Variants in TMEM108 observed in about 807,000 individuals in gnomAD.
TMEM108 encodes transmembrane protein 108.
In TMEM108, 12 loss-of-function variants were observed where a neutral mutation model predicts 35.1. The observed-to-expected ratio is 0.34, with a 90% CI of 0.22 to 0.55. The LOEUF (loss-of-function observed/expected upper bound fraction) is 0.55. Among genes scored for constraint, TMEM108 ranks in the 20% least tolerant of loss-of-function variants. TMEM108 has a pLI of 0.89. For synonymous variants in TMEM108, 287 were observed against 308.6 expected, an observed-to-expected ratio of 0.93 and a Z score of 0.73; for missense variants, 680 against 753.3, an observed-to-expected ratio of 0.90 and a Z score of 1.14.
intron 2 of TMEM108, among the ~76,000 whole-genome samples, chr3:133,195,673 G>A (rs985382985): frequency 2.0e-5 from 3 of 152,304 alleles, no homozygotes; most frequent in South Asian, 2.1e-4. Context: ...GTGTGAATGA[G>A]TGAATGAATG....
At chr3:133,259,622 T>C (rs1946596892) in intron 3 of TMEM108, among the ~76,000 whole-genome samples, 1 of 152,214 alleles carries the variant, frequency 6.6e-6, no homozygotes, top group Non-Finnish European at 1.5e-5. Flanking sequence ...CTTTCAGCTA[T>C]TTGATATTGG....
chr3:133,208,264 G>A (rs1461647351), intron 2 of TMEM108, among the ~76,000 whole-genome samples: 1 of 152,058 alleles, frequency 6.6e-6, no homozygotes, highest in African/African-American at 2.4e-5. Context: ...GTGGTCTGAG[G>A]ACCAAACTTT....
At chr3:133,332,986 G>C (rs2071416061) in intron 3 of TMEM108, among the ~76,000 whole-genome samples, 1 of 152,170 alleles carries the variant, frequency 6.6e-6, no homozygotes, top group Non-Finnish European at 1.5e-5. Flanking sequence ...TCTGCGGCCA[G>C]AGTGGAATGG....
At chr3:133,049,985 T>C (rs1048910580) in intron 2 of TMEM108, among the ~76,000 whole-genome samples, 4 of 152,194 alleles carry the variant, frequency 2.6e-5, no homozygotes, top group Non-Finnish European at 5.9e-5. Context: ...GATTTAGTAA[T>C]TAAGCCCTTT....
chr3:133,142,941 A>G (rs375467997), intron 2 of TMEM108, among the ~76,000 whole-genome samples: 9 of 152,338 alleles, frequency 5.9e-5, no homozygotes, highest in East Asian at 1.9e-4. Flanking sequence ...GAATATGCCC[A>G]AGATTATGCA....
intron 2 of TMEM108, among the ~76,000 whole-genome samples, chr3:133,153,787 C>G (rs1029620174): frequency 2.0e-5 from 3 of 151,956 alleles, no homozygotes; most frequent in African/African-American, 7.3e-5. Flanking sequence ...AAAGGCAAAC[C>G]GAAGTCTGCA....
At chr3:133,102,315 G>T (rs1326236093) in intron 2 of TMEM108, among the ~76,000 whole-genome samples, 4 of 152,176 alleles carry the variant, frequency 2.6e-5, no homozygotes, top group Non-Finnish European at 5.9e-5. Flanking sequence ...AGAAGTTTCT[G>T]TTGTGTTTAC....
chr3:133,258,452 C>T (rs368123685), intron 3 of TMEM108, among the ~76,000 whole-genome samples: 59 of 152,356 alleles, frequency 3.9e-4, no homozygotes, highest in African/African-American at 1.3e-3. Flanking sequence ...CAGCTGCCCA[C>T]ACCACCTCGC....
At chr3:133,360,771 A>G (rs2072324267) in intron 3 of TMEM108, among the ~76,000 whole-genome samples, 1 of 152,178 alleles carries the variant, frequency 6.6e-6, no homozygotes, top group South Asian at 2.1e-4. Context: ...GTGAAAATGT[A>G]AGCAGCACAT....
intron 1 of TMEM108, among the ~76,000 whole-genome samples, chr3:133,044,493 A>G (rs1187498004): frequency 6.6e-6 from 1 of 152,234 alleles, no homozygotes; most frequent in South Asian, 2.1e-4. Context: ...ATGGTTTTCA[A>G]AAATGTTCTC....
rs562796813 is a variant in TMEM108, at chr3:133,270,421, T to C, written c.40+41070T>C. 2.4e-4 allele frequency among the ~76,000 whole-genome samples: 36 copies of C among 152,342 alleles called. No individual in the cohort carries two copies. The South Asian group carries it at 7.2e-3, about 31-fold the overall frequency. On this transcript the variant is annotated intron_variant, in intron 3 of 5. Coordinates refer to ENST00000321871, the MANE Select transcript of TMEM108 (RefSeq NM_023943.4). ...CTTGAAACCTGTTTAGTATCTTTAT[T>C]TGGAGATAAACCAATTAAAACCCTG...
rs1192054553 is a variant in TMEM108 at position 133,045,892 on chromosome 3, T to A, written c.-165-10T>A. On this transcript the variant is annotated splice_polypyrimidine_tract_variant and intron_variant, in intron 1 of 5. Transcript: ENST00000321871. ...GGCCTAATGCATTTTTTCATTTTCA[T>A]CTTTGCCAGTTGGTGATAGATTGGT... 1 of 152,660 alleles carries A rather than the reference T, an allele frequency of 6.6e-6. No individual in the cohort carries two copies. Among genetic ancestry groups the A allele is most frequent in the Non-Finnish European group, 1.5e-5 (1 of 68,062 alleles). The allele number at this position is 152,660 out of a possible 1,614,324, so 9.5% of individuals were successfully genotyped here.
intron 2 of TMEM108, among the ~76,000 whole-genome samples, chr3:133,142,572 C>A (rs181091145): frequency 6.6e-6 from 1 of 152,280 alleles, no homozygotes; most frequent in East Asian, 1.9e-4. Flanking sequence ...ACTCCACACT[C>A]CACATGTCCC....
chr3:133,071,153 C>G (rs746149697), intron 2 of TMEM108, among the ~76,000 whole-genome samples: 6 of 152,136 alleles, frequency 3.9e-5, no homozygotes, highest in Non-Finnish European at 7.4e-5. Flanking sequence ...TACCCATATA[C>G]TCTTTACTCA....
At chr3:133,316,278 C>A (rs1388992040) in intron 3 of TMEM108, among the ~76,000 whole-genome samples, 3 of 152,176 alleles carry the variant, frequency 2.0e-5, no homozygotes, top group Non-Finnish European at 4.4e-5. Context: ...TATGGGCACT[C>A]AGTTTGTTTC....
At chr3:133,045,522 A>C (rs1295778712) in intron 1 of TMEM108, among the ~76,000 whole-genome samples, 1 of 152,164 alleles carries the variant, frequency 6.6e-6, no homozygotes, top group Non-Finnish European at 1.5e-5. Context: ...AACCAACAGA[A>C]TGTGATGGAA....
intron 2 of TMEM108, among the ~76,000 whole-genome samples, chr3:133,138,738 G>T (rs1406417725): frequency 6.6e-6 from 1 of 151,898 alleles, no homozygotes; most frequent in South Asian, 2.1e-4. Flanking sequence ...TGGCATAGTT[G>T]CAGGGGCCAT....
At chr3:133,340,833 TG>T (rs2071639901) in intron 3 of TMEM108, among the ~76,000 whole-genome samples, 1 of 151,732 alleles carries the variant, frequency 6.6e-6, no homozygotes, top group Non-Finnish European at 1.5e-5. Context: ...TCATTTCAAA[TG>T]ATGCTAAAAA....
At chr3:133,234,391 G>A (rs921472541) in intron 3 of TMEM108, among the ~76,000 whole-genome samples, 9 of 152,058 alleles carry the variant, frequency 5.9e-5, no homozygotes, top group African/African-American at 1.4e-4. Flanking sequence ...ACATCAAAAC[G>A]CTTATCCACC....
Sources: allele counts gnomAD v4.1 joint callset (sites outside exome capture counted in the v4.1 genomes callset), GRCh38; gene constraint gnomAD v4.1.1; transcripts MANE v1.5; gene names NCBI Gene and HGNC (gene_info 2026-07-23, HGNC 2026-07-21).